EIPR1: variants seen among roughly 807,000 people sequenced by gnomAD.
The protein encoded by EIPR1 is EARP complex and GARP complex interacting protein 1, also known as EARP and GARP complex-interacting protein 1.
A neutral mutation model predicts 48.1 loss-of-function variants in EIPR1; 25 were observed. That is an observed-to-expected ratio of 0.52 (90% CI 0.38 to 0.73). The LOEUF (loss-of-function observed/expected upper bound fraction) is 0.73, where lower values mean the gene tolerates loss of function less well. Among genes scored for constraint, EIPR1 ranks in the 30% least tolerant of loss-of-function variants. EIPR1 has a pLI of 0.00. For missense variants in EIPR1, 415 were observed against 506.2 expected (o/e 0.82, Z 1.73); for synonymous variants, 204 against 201.9 (o/e 1.01, Z -0.09).
chr2:3,371,020 T>C (rs1247148092), intron 1 of EIPR1, among the ~76,000 whole-genome samples: 2 of 152,208 alleles, frequency 1.3e-5, no homozygotes, highest in African/African-American at 4.8e-5. Flanking sequence ...GGGAAGCCCA[T>C]CAGACTAACA....
intron 3 of EIPR1, among the ~76,000 whole-genome samples, chr2:3,317,835 T>C (rs574906797): frequency 6.6e-6 from 1 of 152,200 alleles, no homozygotes; most frequent in South Asian, 2.1e-4. Context: ...AAGGGACCGA[T>C]GGCAGGCCCA....
intron 3 of EIPR1, among the ~76,000 whole-genome samples, chr2:3,302,874 G>A (rs1481867097): frequency 6.6e-6 from 1 of 152,170 alleles, no homozygotes; most frequent in Non-Finnish European, 1.5e-5. Context: ...TCAATACTGA[G>A]AACAGAACAG....
At chr2:3,269,337 A>ATCG in intron 3 of EIPR1, among the ~76,000 whole-genome samples, 1 of 84,526 alleles carries the variant, frequency 1.2e-5, no homozygotes, top group Admixed American at 1.2e-4. Flanking sequence ...AATCATCATC[A>ATCG]CACTCAGTCA....
At chr2:3,260,209 G>C (rs10184651) in intron 3 of EIPR1, among the ~76,000 whole-genome samples, 100,672 of 152,100 alleles carry the variant, frequency 0.66, 33,553 homozygotes, top group East Asian at 0.81. Flanking sequence ...AAATGAAGCA[G>C]TGGCCGGGCA....
intron 4 of EIPR1, among the ~76,000 whole-genome samples, chr2:3,233,000 C>T (rs984938839): frequency 1.3e-5 from 2 of 152,166 alleles, no homozygotes; most frequent in Admixed American, 1.3e-4. Flanking sequence ...ACACTGTAAA[C>T]GCAAAGTCAT....
At chr2:3,246,407 G>C (rs1666795300) in intron 4 of EIPR1, among the ~76,000 whole-genome samples, 1 of 152,174 alleles carries the variant, frequency 6.6e-6, no homozygotes, top group South Asian at 2.1e-4. Context: ...CACACACACT[G>C]CTTTCCTTCC....
intron 2 of EIPR1, among the ~76,000 whole-genome samples, chr2:3,343,851 C>T (rs888068016): frequency 6.6e-6 from 1 of 152,128 alleles, no homozygotes; most frequent in East Asian, 1.9e-4. Context: ...GGCCATCGCA[C>T]TGTCCATTTC....
chr2:3,254,304 G>A (rs988946511), intron 4 of EIPR1, among the ~76,000 whole-genome samples: 10 of 152,178 alleles, frequency 6.6e-5, no homozygotes, highest in Non-Finnish European at 1.5e-4. Flanking sequence ...CATCACACGT[G>A]CAGCAGCTCC....
At chr2:3,262,541 C>T (rs1667365896) in intron 3 of EIPR1, among the ~76,000 whole-genome samples, 1 of 152,202 alleles carries the variant, frequency 6.6e-6, no homozygotes, top group Non-Finnish European at 1.5e-5. Context: ...CGTAAGGCTG[C>T]CAGCTTAGGC....
chr2:3,227,018 C>CT (rs1417691717), intron 4 of EIPR1, among the ~76,000 whole-genome samples: 3 of 152,142 alleles, frequency 2.0e-5, no homozygotes, highest in African/African-American at 4.8e-5. Context: ...TCAGTTATGC[C>CT]TTTATTAGCA....
intron 4 of EIPR1, among the ~76,000 whole-genome samples, chr2:3,218,925 C>G (rs1665754836): frequency 6.6e-6 from 1 of 150,568 alleles, no homozygotes; most frequent in African/African-American, 2.4e-5. Context: ...CCGATACGCT[C>G]TAGAGCATTC....
At chr2:3,352,244 G>A (rs368193582) in intron 2 of EIPR1, among the ~76,000 whole-genome samples, 9 of 139,840 alleles carry the variant, frequency 6.4e-5, no homozygotes, top group South Asian at 2.4e-4. Context: ...GTCTGTTCCC[G>A]ACACCTTTGA....
intron 3 of EIPR1, among the ~76,000 whole-genome samples, chr2:3,264,646 C>T (rs1461978406): frequency 1.3e-5 from 2 of 152,196 alleles, no homozygotes; most frequent in Admixed American, 6.5e-5. Flanking sequence ...GACAACCTCA[C>T]CCCCATTCCT....
chr2:3,194,208 A>G, intron 6 of EIPR1, 42 bp from the exon 7 acceptor site: 1 of 1,607,038 alleles, frequency 6.2e-7, no homozygotes, highest in Non-Finnish European at 8.5e-7. Context: ...TAGTAAATGG[A>G]TTAGGAAAAG....
intron 4 of EIPR1, among the ~76,000 whole-genome samples, chr2:3,255,484 T>G (rs1018740062): frequency 4.6e-5 from 7 of 152,170 alleles, no homozygotes; most frequent in African/African-American, 2.4e-5. Flanking sequence ...CACCCCACCT[T>G]CAACAACTAT....
At chr2:3,210,489 G>A (rs1381553596) in intron 5 of EIPR1, among the ~76,000 whole-genome samples, 1 of 152,118 alleles carries the variant, frequency 6.6e-6, no homozygotes, top group African/African-American at 2.4e-5. Context: ...ACACCCCCAC[G>A]ACAATCACAG....
chr2:3,358,932 G>A (rs1196354439), intron 1 of EIPR1, among the ~76,000 whole-genome samples: 1 of 152,158 alleles, frequency 6.6e-6, no homozygotes, highest in African/African-American at 2.4e-5. Flanking sequence ...CACCTCAAAG[G>A]GAATGATTAT....
At chr2:3,250,176 C>A (rs1216187575) in intron 4 of EIPR1, among the ~76,000 whole-genome samples, 1 of 152,230 alleles carries the variant, frequency 6.6e-6, no homozygotes, top group Non-Finnish European at 1.5e-5. Flanking sequence ...CATCCTGAGC[C>A]TGGAAAAACC....
intron 5 of EIPR1, among the ~76,000 whole-genome samples, chr2:3,206,543 C>T (rs947897504): frequency 1.2e-4 from 19 of 152,202 alleles, no homozygotes; most frequent in Non-Finnish European, 2.1e-4. Context: ...CAGGATGTGC[C>T]GTTTTAAACT....
Sources: allele counts gnomAD v4.1 joint callset (sites outside exome capture counted in the v4.1 genomes callset), GRCh38; gene constraint gnomAD v4.1.1; transcripts MANE v1.5; gene names NCBI Gene and HGNC (gene_info 2026-07-23, HGNC 2026-07-21).